NOX4: variants seen among roughly 807,000 people sequenced by gnomAD.
NOX4 encodes the protein NADPH oxidase 4.
In NOX4, 69 loss-of-function variants were observed where a neutral mutation model predicts 87.6. That is an observed-to-expected ratio of 0.79 (90% CI 0.65 to 0.96). The LOEUF is 0.96. Ranked by LOEUF, NOX4 falls within the 40% of genes least tolerant of loss-of-function variation. NOX4 has a pLI of 0.00. For missense variants in NOX4, 680 were observed against 681.5 expected (o/e 1.00, Z 0.02); for synonymous variants, 275 against 238.2 (o/e 1.15, Z -1.42).
At chr11:89,570,355 G>T in the NOX4 span, among the ~76,000 whole-genome samples, 2 of 152,222 alleles carry the variant, frequency 1.3e-5, no homozygotes, top group African/African-American at 4.8e-5. Context: ...GAGGGTGGAG[G>T]GTTGAAGGAG....
chr11:89,349,877 T>C (rs1946383840), intron 13 of NOX4, among the ~76,000 whole-genome samples: 1 of 152,196 alleles, frequency 6.6e-6, no homozygotes, highest in African/African-American at 2.4e-5. Context: ...CCATTTTACA[T>C]GTCCAAGCTG....
chr11:89,474,532 T>C (rs1310553497), intron 2 of NOX4, among the ~76,000 whole-genome samples: 1 of 150,820 alleles, frequency 6.6e-6, no homozygotes, highest in Non-Finnish European at 1.5e-5. Flanking sequence ...TGGTGTACAT[T>C]ATGGCATTAT....
the NOX4 span, among the ~76,000 whole-genome samples, chr11:89,569,692 G>A: frequency 6.6e-6 from 1 of 152,104 alleles, no homozygotes; most frequent in Non-Finnish European, 1.5e-5. Context: ...TTCCATTTCT[G>A]GGTATATATC....
At chr11:89,326,929 T>G (rs1945244153) in intron 17 of NOX4, 53 bp from the exon 18 acceptor site, 1 of 1,579,386 alleles carries the variant, frequency 6.3e-7, no homozygotes, top group African/African-American at 1.4e-5. Flanking sequence ...AGGCAGAACA[T>G]GACAAGAAGT....
At chr11:89,389,729 C>A (rs144429669) in intron 11 of NOX4, among the ~76,000 whole-genome samples, 1 of 152,136 alleles carries the variant, frequency 6.6e-6, no homozygotes, top group East Asian at 1.9e-4. Context: ...ATATGAAAGC[C>A]CTCAGCATGG....
chr11:89,494,157 A>C (rs1322535000), upstream of NOX4, among the ~76,000 whole-genome samples: 20 of 152,230 alleles, frequency 1.3e-4, no homozygotes, highest in Non-Finnish European at 2.8e-4. Context: ...AGTATTTTAA[A>C]TATTATAAGA....
chr11:89,553,809 A>C, the NOX4 span, among the ~76,000 whole-genome samples: 2 of 152,018 alleles, frequency 1.3e-5, no homozygotes, highest in African/African-American at 2.4e-5. Context: ...TATCTTTACC[A>C]GATAACTGGG....
At chr11:89,507,200 C>A in the NOX4 span, among the ~76,000 whole-genome samples, 1 of 151,686 alleles carries the variant, frequency 6.6e-6, no homozygotes, top group Non-Finnish European at 1.5e-5. Flanking sequence ...ATTGAGGAAT[C>A]GTTTAGTAGG....
chr11:89,551,768 G>A, the NOX4 span, among the ~76,000 whole-genome samples: 1 of 151,976 alleles, frequency 6.6e-6, no homozygotes, highest in South Asian at 2.1e-4. Flanking sequence ...CTCTCTTCCT[G>A]TTTGAATACC....
chr11:89,477,838 C>T (rs1946231314), intron 2 of NOX4, among the ~76,000 whole-genome samples: 2 of 152,140 alleles, frequency 1.3e-5, no homozygotes, highest in Non-Finnish European at 2.9e-5. Flanking sequence ...AATTGGAAAA[C>T]AATTAACTGT....
chr11:89,403,927 C>T (rs1942021541), intron 8 of NOX4, among the ~76,000 whole-genome samples: 1 of 152,102 alleles, frequency 6.6e-6, no homozygotes, highest in South Asian at 2.1e-4. Flanking sequence ...CTTATGCTCA[C>T]TTCCTTTTTT....
intron 7 of NOX4, among the ~76,000 whole-genome samples, chr11:89,422,532 C>A (rs1186083714): frequency 6.6e-6 from 1 of 152,064 alleles, no homozygotes; most frequent in African/African-American, 2.4e-5. Flanking sequence ...GAATGATAAG[C>A]ATAATCTACA....
intron 2 of NOX4, among the ~76,000 whole-genome samples, chr11:89,475,805 A>G (rs1194690098): frequency 1.3e-5 from 2 of 152,150 alleles, no homozygotes; most frequent in East Asian, 1.9e-4. Flanking sequence ...GGGAGGGCAC[A>G]ATGGACAAAA....
chr11:89,367,796 C>T lies in NOX4; in HGVS notation c.1135+5636G>A, dbSNP rs555782695. 3.9e-5 allele frequency among the ~76,000 whole-genome samples: 6 copies of T among 152,230 alleles called. No homozygotes were observed. In the South Asian group the frequency reaches 1.2e-3, roughly 32 times the overall value. ...AAACGACCAAGTTTCATAGCAAGAT[C>T]TACAAGCTCTTCCTTGGCCTAATAT... On this transcript the variant is annotated intron_variant, in intron 12 of 17. Transcript: ENST00000263317.
chr11:89,575,278 T>C, the NOX4 span, among the ~76,000 whole-genome samples: 6 of 150,906 alleles, frequency 4.0e-5, no homozygotes, highest in South Asian at 8.4e-4. Context: ...GTAGTAAGTG[T>C]TTAATTTTAC....
chr11:89,406,733 T>C (rs1942208363), intron 8 of NOX4, among the ~76,000 whole-genome samples: 1 of 152,134 alleles, frequency 6.6e-6, no homozygotes, highest in African/African-American at 2.4e-5. Flanking sequence ...GAATTCTTAA[T>C]ACTATTTCAC....
chr11:89,491,081 T>TGA, intron 1 of NOX4, 109 bp downstream of exon 1: 2 of 1,115,384 alleles, frequency 1.8e-6, no homozygotes, highest in Admixed American at 4.1e-5. Flanking sequence ...AATGTTCGAA[T>TGA]TAAGACAAAA....
intron 17 of NOX4, among the ~76,000 whole-genome samples, chr11:89,333,491 C>T (rs986199275): frequency 6.6e-6 from 1 of 151,714 alleles, no homozygotes; most frequent in Non-Finnish European, 1.5e-5. Flanking sequence ...AGTTACCAGT[C>T]ATTACCTCTG....
Position 89,330,381 on chromosome 11 carries a change from T to A in NOX4, c.1617-3505A>T, listed in dbSNP as rs1414885471. 9.9e-5 allele frequency among the ~76,000 whole-genome samples: 15 copies of A among 151,912 alleles called. No homozygotes were observed. The East Asian group carries it at 2.9e-3, about 29-fold the overall frequency. ...TAAACATAAACATAAACATAAAAAA[T>A]AAAATAGGCTGTGATAAGCTAATGA... On this transcript the variant is annotated intron_variant, in intron 17 of 17. Coordinates refer to ENST00000263317, the MANE Select transcript of NOX4 (RefSeq NM_016931.5).
Sources: gnomAD v4.1 joint callset for allele counts (sites outside exome capture counted in the v4.1 genomes callset) on GRCh38, gnomAD v4.1.1 for gene constraint, MANE v1.5 for transcripts, NCBI Gene and HGNC (gene_info 2026-07-23, HGNC 2026-07-21) for gene names.